Variants in LECT2 observed in about 807,000 individuals in gnomAD.
LECT2 encodes leukocyte cell derived chemotaxin 2, also known as leukocyte cell-derived chemotaxin-2.
In LECT2, 11 loss-of-function variants were observed where a neutral mutation model predicts 16.6. The observed-to-expected ratio is 0.66, with a 90% CI of 0.42 to 1.09. The LOEUF is 1.09. Ranked by LOEUF, LECT2 falls within the 50% of genes least tolerant of loss-of-function variation. The probability of loss-of-function intolerance (pLI) is 0.00; values close to 1 mark genes in which losing one functional copy is unlikely to be tolerated. For missense variants in LECT2, 173 were observed against 184.2 expected (o/e 0.94, Z 0.35); for synonymous variants, 54 against 64.8 (o/e 0.83, Z 0.80).
intron 3 of LECT2, among the ~76,000 whole-genome samples, chr5:135,948,077 GA>G (rs1360014520): frequency 2.0e-5 from 3 of 152,266 alleles, no homozygotes; most frequent in African/African-American, 7.2e-5. Flanking sequence ...TGAAAGTGAA[GA>G]GCTGGACAAA....
intron 3 of LECT2, 104 bp downstream of exon 3, chr5:135,951,119 C>T (rs1763786874): frequency 1.7e-6 from 2 of 1,155,320 alleles, no homozygotes; most frequent in Non-Finnish European, 2.5e-6. Context: ...CAGGTTTTAT[C>T]ATTTTGAAAG....
rs372999721 is a variant in LECT2 at position 135,952,985 on chromosome 5, G to A, written c.47-18C>T. Reference sequence around the variant, plus strand: ...TGCCAGTGCTAAAAAGGAGAAAAGTGAGAGCAGAGCTCCTGGCCTCAGACA... The same window carrying A: ...TGCCAGTGCTAAAAAGGAGAAAAGTAAGAGCAGAGCTCCTGGCCTCAGACA... On this transcript the variant is annotated intron_variant, in intron 1 of 3. Transcript: ENST00000274507. The A allele has an allele frequency of 3.8e-6, 6 of 1,559,944 alleles. No homozygotes were observed. The African/African-American group carries it at 8.1e-5, about 21-fold the overall frequency.
intron 3 of LECT2, among the ~76,000 whole-genome samples, chr5:135,948,537 TG>T (rs1238812105): frequency 2.0e-5 from 3 of 152,082 alleles, no homozygotes; most frequent in Non-Finnish European, 2.9e-5. Context: ...TATTTAAAAA[TG>T]TAAAATATCT....
intron 1 of LECT2, 113 bp downstream of exon 1, chr5:135,954,675 A>G: frequency 1.4e-6 from 1 of 736,588 alleles, no homozygotes; most frequent in South Asian, 1.6e-5. Flanking sequence ...ATAGCCAAAT[A>G]CACAAGTCTT....
At chr5:135,953,491 C>A (rs186383336) in intron 1 of LECT2, among the ~76,000 whole-genome samples, 1 of 152,162 alleles carries the variant, frequency 6.6e-6, no homozygotes, top group Non-Finnish European at 1.5e-5. Flanking sequence ...TGAGCCACTG[C>A]GCCCAGCTGA....
At position 135,952,856 on chromosome 5, in the gene LECT2, T is replaced by A. The variant is rs888633726; in HGVS notation, c.143+15A>T. 3 of 1,592,454 alleles carry A rather than the reference T, an allele frequency of 1.9e-6. No individual in the cohort carries two copies. Among genetic ancestry groups the A allele is most frequent in the Admixed American group, 1.7e-5 (1 of 59,944 alleles). On this transcript the variant is annotated intron_variant, in intron 2 of 3. Coordinates refer to ENST00000274507, the MANE Select transcript of LECT2 (RefSeq NM_002302.3). ...GGGACCAAAGGGTTGGGTGGGTGGT[T>A]GTGCAACTTCATACCTTTGAGCAGA... is the stretch of plus-strand genomic sequence containing the variant.
Position 135,949,558 on chromosome 5 carries a change from A to G in LECT2, c.289+1665T>C, listed in dbSNP as rs557361880. On this transcript the variant is annotated intron_variant, in intron 3 of 3. Coordinates refer to ENST00000274507, the MANE Select transcript of LECT2 (RefSeq NM_002302.3). ...TGAGCAAGTGTCCAGTAATCTCTGA[A>G]GAGCCTAATTATTTCTTCCCTAATG... 6.6e-5 allele frequency among the ~76,000 whole-genome samples: 10 copies of G among 152,358 alleles called. No homozygotes were observed. In the East Asian group the frequency reaches 1.9e-3, roughly 29 times the overall value.
intron 2 of LECT2, among the ~76,000 whole-genome samples, chr5:135,952,486 C>T (rs983883769): frequency 2.6e-5 from 4 of 152,188 alleles, no homozygotes; most frequent in African/African-American, 7.2e-5. Flanking sequence ...GTCCAGGCTT[C>T]ACCATCTCCA....
At chr5:135,950,077 G>T (rs1004094540) in intron 3 of LECT2, among the ~76,000 whole-genome samples, 2 of 152,144 alleles carry the variant, frequency 1.3e-5, no homozygotes, top group African/African-American at 4.8e-5. Context: ...CTCAAAAGAT[G>T]CCTCTCACAG....
chr5:135,951,139 A>G, intron 3 of LECT2, 84 bp downstream of exon 3: 4 of 1,312,332 alleles, frequency 3.0e-6, no homozygotes, highest in Non-Finnish European at 4.4e-6. Context: ...GAAGTACAAA[A>G]TCTCTACGTA....
rs572145296 is a variant in LECT2, at chr5:135,947,491, C to A, written c.296G>T (p.Cys99Phe). 6 of 1,596,642 alleles carry A rather than the reference C, an allele frequency of 3.8e-6. No homozygotes were observed. In the East Asian group the frequency reaches 6.7e-5, roughly 18 times the overall value. Reference sequence around the variant, plus strand: ...TGGCTTAATGTAGAACATTTTGACACAAAAACCTAAAAGAAAATAAGTATA... The same window carrying A: ...TGGCTTAATGTAGAACATTTTGACAAAAAAACCTAAAAGAAAATAAGTATA... ...NGVRISGRGF[C>F]VKMFYIKPIK... The change falls in exon 4 of 4, where the codon TGT (cysteine) becomes TTT (phenylalanine). Residue 99 changes from cysteine to phenylalanine, a missense_variant. Coordinates refer to ENST00000274507, the MANE Select transcript of LECT2 (RefSeq NM_002302.3).
intron 2 of LECT2, among the ~76,000 whole-genome samples, 186 bp downstream of exon 2, chr5:135,952,685 T>C (rs1289710755): frequency 5.3e-5 from 8 of 152,234 alleles, no homozygotes; most frequent in Admixed American, 5.2e-4. Flanking sequence ...CTGATCCCAA[T>C]TTATAGCTCA....
At chr5:135,948,939 T>C (rs1156367395) in intron 3 of LECT2, among the ~76,000 whole-genome samples, 2 of 152,176 alleles carry the variant, frequency 1.3e-5, no homozygotes, top group African/African-American at 4.8e-5. Context: ...CCTCCCAAAG[T>C]GCTGGGATTA....
Position 135,954,939 on chromosome 5 carries a change from A to C in LECT2, c.-106T>G. Reference sequence around the variant, plus strand: ...ATACTTCCTAGCTATTTAGCCTTAGAATTCTGCATCTCTCATTTCTTTAGT... The same window carrying C: ...ATACTTCCTAGCTATTTAGCCTTAGCATTCTGCATCTCTCATTTCTTTAGT... On this transcript the variant is annotated 5_prime_UTR_variant, in exon 1 of 4. The change creates a new upstream start codon in the 5' untranslated region. Coordinates refer to ENST00000274507, the MANE Select transcript of LECT2 (RefSeq NM_002302.3). The C allele has an allele frequency of 1.2e-6, 1 of 824,570 alleles. No individual in the cohort carries two copies. The highest frequency in any genetic ancestry group is 2.0e-6 in the Non-Finnish European group (1 of 494,324). 51.1% of individuals were successfully genotyped at this position (824,570 alleles called of 1,614,324 possible).
rs31530 is a variant in LECT2 at position 135,946,941 on chromosome 5, C to T, written c.*390G>A. The T allele has an allele frequency of 0.62, 94,945 of 153,616 alleles. 29,556 individuals carry two copies. Among genetic ancestry groups the T allele is most frequent in the South Asian group, 0.69 (3,359 of 4,864 alleles). The allele number at this position is 153,616 out of a possible 1,614,324, so 9.5% of individuals were successfully genotyped here. On this transcript the variant is annotated 3_prime_UTR_variant, in exon 4 of 4. Transcript: ENST00000274507. ...CTCTTGTTTATTTATCTTAGATCTT[C>T]GGGACTGAGAAATCTAAAAAATAAA... is the stretch of plus-strand genomic sequence containing the variant.
At chr5:135,950,748 A>G (rs31519) in intron 3 of LECT2, 72,587 of 162,388 alleles carry the variant, frequency 0.45, 16,453 homozygotes, top group Admixed American at 0.49. Context: ...GTATCTATCC[A>G]TTATGGTTAG....
intron 1 of LECT2, among the ~76,000 whole-genome samples, chr5:135,953,969 A>G (rs1763828094): frequency 6.6e-6 from 1 of 152,228 alleles, no homozygotes; most frequent in South Asian, 2.1e-4. Flanking sequence ...TGTTTCAGGC[A>G]CAATTTGTTT....
intron 1 of LECT2, among the ~76,000 whole-genome samples, chr5:135,953,618 T>C (rs553827345): frequency 8.7e-4 from 132 of 152,350 alleles, no homozygotes; most frequent in African/African-American, 3.1e-3. Flanking sequence ...ATGGGGATCA[T>C]TATTTTTAGA....
Position 135,954,822 on chromosome 5 carries a change from G to C in LECT2, c.12C>G (p.Thr4=). The change falls in exon 1 of 4, where the codon ACC becomes ACG. Residue 4 remains threonine, a synonymous_variant. Transcript: ENST00000274507. ...TCAGACCAGCCAAAAGGAGGGCTTT[G>C]GTGGAAAACATCTGGTTTTACTTCC... MFS[T]KALLLAGLIS... The C allele has an allele frequency of 6.2e-7, 1 of 1,612,856 alleles. No homozygotes were observed. Among genetic ancestry groups the C allele is most frequent in the Admixed American group, 1.7e-5 (1 of 60,014 alleles).
Sources: allele counts gnomAD v4.1 joint callset (sites outside exome capture counted in the v4.1 genomes callset), GRCh38; gene constraint gnomAD v4.1.1; transcripts MANE v1.5; gene names NCBI Gene and HGNC (gene_info 2026-07-23, HGNC 2026-07-21).